Variants in PLAGL2 observed in about 807,000 individuals in gnomAD.
The protein encoded by PLAGL2 is PLAG1 like zinc finger 2, also known as zinc finger protein PLAGL2.
A neutral mutation model predicts 29.0 loss-of-function variants in PLAGL2; 7 were observed. The observed-to-expected ratio is 0.24, with a 90% CI of 0.14 to 0.45. The LOEUF (loss-of-function observed/expected upper bound fraction) is 0.45, where lower values mean the gene tolerates loss of function less well. Among genes scored for constraint, PLAGL2 ranks in the 20% least tolerant of loss-of-function variants. The pLI, the probability that PLAGL2 is intolerant of heterozygous loss-of-function variation, is 0.99. For missense variants in PLAGL2, 454 were observed against 648.2 expected, an observed-to-expected ratio of 0.70 and a Z score of 3.25; for synonymous variants, 234 against 266.0, an observed-to-expected ratio of 0.88 and a Z score of 1.17.
intron 2 of PLAGL2, among the ~76,000 whole-genome samples, chr20:32,198,548 G>T (rs2047241982): frequency 6.6e-6 from 1 of 152,168 alleles, no homozygotes; most frequent in Non-Finnish European, 1.5e-5. Flanking sequence ...GCTAAGGCAG[G>T]ATTACTTGAG....
In PLAGL2 at chr20:32,196,926, A is replaced by T. The variant is rs1303266845; in HGVS notation, c.1017T>A (p.Pro339=). 6.2e-7 allele frequency: 1 copy of T among 1,614,178 alleles called. No homozygotes were observed. Among genetic ancestry groups the T allele is most frequent in the South Asian group, 1.1e-5 (1 of 91,088 alleles). Residue 339 remains proline, a synonymous_variant, in exon 3 of 3, where the codon CCT becomes CCA. Transcript: ENST00000246229. Reference sequence around the variant, plus strand: ...AGGTAGATCCAAGCTGGTATTTTGGAGGGAGCTGAGCTGGGGAAGAGATAG... The same window carrying T: ...AGGTAGATCCAAGCTGGTATTTTGGTGGGAGCTGAGCTGGGGAAGAGATAG... ...SSPISSPAQL[P]PKYQLGSTSY...
chr20:32,204,092 A>G (rs1461019269), intron 1 of PLAGL2, among the ~76,000 whole-genome samples: 2 of 152,118 alleles, frequency 1.3e-5, no homozygotes, highest in East Asian at 3.9e-4. Context: ...AGCAATTACT[A>G]TGCACCTTGG....
At chr20:32,207,539 A>C (rs1243860192) in intron 1 of PLAGL2, 102 bp downstream of exon 1, 2 of 152,640 alleles carry the variant, frequency 1.3e-5, no homozygotes, top group African/African-American at 4.8e-5. Flanking sequence ...GAGGGGCCCG[A>C]GATGAGGCGC....
At chr20:32,204,645 G>A (rs2047276657) in intron 1 of PLAGL2, among the ~76,000 whole-genome samples, 1 of 152,148 alleles carries the variant, frequency 6.6e-6, no homozygotes, top group Admixed American at 6.5e-5. Flanking sequence ...AGCTGCTAGT[G>A]TTACCTAGGA....
chr20:32,205,076 C>T (rs1042222209), intron 1 of PLAGL2, among the ~76,000 whole-genome samples: 3 of 152,084 alleles, frequency 2.0e-5, no homozygotes, highest in South Asian at 2.1e-4. Context: ...TTCTAAAATA[C>T]GGATTTATTT....
chr20:32,197,160 G>C lies in PLAGL2; in HGVS notation c.783C>G (p.Ser261Arg), dbSNP rs772585650. 5 of 1,614,122 alleles carry C rather than the reference G, an allele frequency of 3.1e-6. No homozygotes were observed. The change falls in exon 3 of 3, where the codon AGC becomes AGG. Residue 261 changes from serine (S) to arginine (R), a missense_variant. Physicochemically the swap from Ser to Arg is moderately radical, Grantham distance 110. Coordinates refer to ENST00000246229, the MANE Select transcript of PLAGL2 (RefSeq NM_002657.3). The surrounding 1 kb of genome is among the most constrained non-coding windows in gnomAD (Gnocchi z 6.6). The part of the protein sequence containing the change: ...TEPVDMLGLL[S>R]CSSTVSVKEE... Reference sequence around the variant, plus strand: ...CCTTCACACTGACTGTGGAGCTGCAGCTGAGTAGGCCTAACATGTCCACGG... The same window carrying C: ...CCTTCACACTGACTGTGGAGCTGCACCTGAGTAGGCCTAACATGTCCACGG...
intron 1 of PLAGL2, among the ~76,000 whole-genome samples, chr20:32,205,141 G>A (rs1381817585): frequency 6.6e-6 from 1 of 152,114 alleles, no homozygotes; most frequent in Non-Finnish European, 1.5e-5. Context: ...TCTTGAAAGT[G>A]GCTGATACAA....
chr20:32,197,401 C>T lies in PLAGL2; in HGVS notation c.542G>A (p.Arg181Gln), dbSNP rs754731389. The T allele has an allele frequency of 9.7e-5, 156 of 1,611,614 alleles. No homozygotes were observed. The highest frequency in any genetic ancestry group is 1.8e-4 in the Admixed American group (11 of 59,856). ...LLEHLKAHSR[R>Q]VAGGAKEKKH... ...CTTCTCCTTGGCACCGCCTGCTACC[C>T]GGCGTGAGTGGGCCTTCAGGTGCTC... Residue 181 changes from arginine (R) to glutamine (Q), a missense_variant, in exon 3 of 3, where the codon CGG (arginine) becomes CAG (glutamine). By Grantham distance (43) the Arg-to-Gln change is conservative (BLOSUM62 1). Coordinates refer to ENST00000246229, the MANE Select transcript of PLAGL2 (RefSeq NM_002657.3). This position sits in a 1 kb window ranked among gnomAD's most constrained non-coding sequence, Gnocchi z 6.6.
intron 1 of PLAGL2, among the ~76,000 whole-genome samples, chr20:32,203,277 C>A (rs752530727): frequency 1.1e-4 from 16 of 152,194 alleles, no homozygotes; most frequent in Admixed American, 6.5e-4. Context: ...CCAGGTAGTT[C>A]TGGTTTAAAC....
chr20:32,206,514 T>C (rs901277453), intron 1 of PLAGL2, among the ~76,000 whole-genome samples: 1 of 152,122 alleles, frequency 6.6e-6, no homozygotes, highest in Non-Finnish European at 1.5e-5. Flanking sequence ...CCCATTTTCA[T>C]GGGGAGAAAA....
rs2047233037 is a variant in PLAGL2, at chr20:32,197,011, G to A, written c.932C>T (p.Pro311Leu). 1.9e-6 allele frequency: 3 copies of A among 1,613,918 alleles called. No individual in the cohort carries two copies. The highest frequency in any genetic ancestry group is 2.2e-5 in the East Asian group (1 of 44,894). ...HIPTMPSTGV[P>L]HSLVHNTLPM... Reference sequence around the variant, plus strand: ...CAGCGTGTTGTGCACCAGGGAGTGTGGCACGCCCGTGCTGGGCATGGTAGG... The same window carrying A: ...CAGCGTGTTGTGCACCAGGGAGTGTAGCACGCCCGTGCTGGGCATGGTAGG... Residue 311 changes from proline (P) to leucine (L), a missense_variant, in exon 3 of 3, where the codon CCA (proline) becomes CTA (leucine). By Grantham distance (98) the Pro-to-Leu change is moderately conservative (BLOSUM62 -3). This residue lies in a region of PLAGL2 where 247 missense variants were observed against 350.3 expected (regional missense o/e 0.71). Transcript: ENST00000246229. The surrounding 1 kb of genome is among the most constrained non-coding windows in gnomAD (Gnocchi z 6.6).
chr20:32,197,731 C>CACA lies in PLAGL2; in HGVS notation c.261-52_261-50dup. The CACA allele has an allele frequency of 6.6e-7, 1 of 1,519,704 alleles. No individual in the cohort carries two copies. Among genetic ancestry groups the CACA allele is most frequent in the Non-Finnish European group, 9.0e-7 (1 of 1,106,236 alleles). 94.1% of individuals were successfully genotyped at this position (1,519,704 alleles called of 1,614,324 possible). ...GGGAGAAAGCAGAAAGAGGGGAGATCACAAGGGATGACTGGACAACCAAAG... is the reference window on the plus strand; with the variant it reads ...GGGAGAAAGCAGAAAGAGGGGAGATCACAACAAGGGATGACTGGACAACCAAAG... On this transcript the variant is annotated intron_variant, in intron 2 of 2. Transcript: ENST00000246229. The surrounding 1 kb of genome is among the most constrained non-coding windows in gnomAD (Gnocchi z 6.6).
In PLAGL2 at chr20:32,192,778, C is replaced by T. The variant is rs6142634; in HGVS notation, c.*3674G>A. 3.3e-5 allele frequency: 5 copies of T among 152,732 alleles called. No individual in the cohort carries two copies. The East Asian group carries it at 7.7e-4, about 24-fold the overall frequency. The allele number at this position is 152,732 out of a possible 1,614,324, so 9.5% of individuals were successfully genotyped here. A position where few individuals can be genotyped will look rare whatever the true frequency, so the allele number is the denominator to read the frequency against. On this transcript the variant is annotated 3_prime_UTR_variant, in exon 3 of 3. Coordinates refer to ENST00000246229, the MANE Select transcript of PLAGL2 (RefSeq NM_002657.3). ...AGTTACAAAAGAGTGGCTCCAAAGC[C>T]TTGACCGCTGGTAGGGAGGGAGAAG... is the stretch of plus-strand genomic sequence containing the variant.
rs2047225783 is a variant in PLAGL2, at chr20:32,196,034, G to A, written c.*418C>T. On this transcript the variant is annotated 3_prime_UTR_variant, in exon 3 of 3. Coordinates refer to ENST00000246229, the MANE Select transcript of PLAGL2 (RefSeq NM_002657.3). Reference sequence around the variant, plus strand: ...GGGCCTGACCAACTGACTGCTGTGGGGTCTGCAGGTTGGGACCAGAAGGTG... The same window carrying A: ...GGGCCTGACCAACTGACTGCTGTGGAGTCTGCAGGTTGGGACCAGAAGGTG... 1 of 154,166 alleles carries A rather than the reference G, an allele frequency of 6.5e-6. No individual in the cohort carries two copies. Among genetic ancestry groups the A allele is most frequent in the South Asian group, 2.1e-4 (1 of 4,844 alleles). 9.5% of individuals were successfully genotyped at this position (154,166 alleles called of 1,614,324 possible).
chr20:32,206,691 G>A (rs1005793064), intron 1 of PLAGL2, among the ~76,000 whole-genome samples: 2 of 152,194 alleles, frequency 1.3e-5, no homozygotes, highest in African/African-American at 4.8e-5. Context: ...CCCCCACACA[G>A]GTGTCCCCAT....
chr20:32,201,980 G>C lies in PLAGL2; in HGVS notation c.199C>G (p.Pro67Ala). The C allele has an allele frequency of 6.2e-7, 1 of 1,614,002 alleles. No individual in the cohort carries two copies. ...PHSLPQPEQR[P>A]YSCPQLHCGK... ...CAGTGCAGCTGAGGGCAGCTATATG[G>C]TCTCTGCTCTGGTTGCGGGAGGCTG... The change falls in exon 2 of 3, where the codon CCA becomes GCA. Residue 67 changes from proline to alanine, a missense_variant. Pro to Ala is a conservative substitution (Grantham distance 27, BLOSUM62 -1). This residue lies in a region of PLAGL2 where 89 missense variants were observed against 90.4 expected (regional missense o/e 0.98). Coordinates refer to ENST00000246229, the MANE Select transcript of PLAGL2 (RefSeq NM_002657.3).
intron 1 of PLAGL2, among the ~76,000 whole-genome samples, chr20:32,204,074 G>GT (rs1432631598): frequency 6.6e-6 from 1 of 152,148 alleles, no homozygotes; most frequent in Non-Finnish European, 1.5e-5. Flanking sequence ...TTACCTGTTT[G>GT]TAATACCAGC....
intron 2 of PLAGL2, among the ~76,000 whole-genome samples, chr20:32,201,259 C>A (rs733320): frequency 0.22 from 33,088 of 151,990 alleles, 4,305 homozygotes; most frequent in African/African-American, 0.35. Flanking sequence ...CTGACCATCA[C>A]CTGACAAAGG....
chr20:32,196,975 A>T lies in PLAGL2; in HGVS notation c.968T>A (p.Met323Lys), dbSNP rs1197228235. Residue 323 changes from methionine (M) to lysine (K), a missense_variant, in exon 3 of 3, where the codon ATG becomes AAG. Physicochemically the swap from Met to Lys is moderately conservative, Grantham distance 95. Around this residue, in one of 4 missense-constraint regions of PLAGL2, gnomAD observed 247 missense variants for 350.3 expected, o/e 0.71. Coordinates refer to ENST00000246229, the MANE Select transcript of PLAGL2 (RefSeq NM_002657.3). ...SLVHNTLPMG[M>K]SYPLESSPIS... ...AGGTGAGGATTCCAGAGGGTAGCTC[A>T]TACCCATGGGCAGCGTGTTGTGCAC... 6.2e-7 allele frequency: 1 copy of T among 1,612,484 alleles called. No homozygotes were observed. Among genetic ancestry groups the T allele is most frequent in the African/African-American group, 1.3e-5 (1 of 74,914 alleles).
Sources: allele counts gnomAD v4.1 joint callset (sites outside exome capture counted in the v4.1 genomes callset), GRCh38; gene constraint gnomAD v4.1.1; regional missense constraint gnomAD v4.1.1; non-coding constraint Gnocchi (gnomAD v3.1); transcripts MANE v1.5; gene names NCBI Gene and HGNC (gene_info 2026-07-23, HGNC 2026-07-21).